The following PTPRK variants were observed in gnomAD, a reference collection of about 807,000 sequenced individuals.
The protein encoded by PTPRK is receptor-type tyrosine-protein phosphatase kappa.
Under a neutral mutation model 178.0 loss-of-function variants are expected in PTPRK, and 75 were observed. The ratio of observed to expected loss-of-function variants is 0.42; its 90% confidence interval spans 0.35 to 0.51. The LOEUF (loss-of-function observed/expected upper bound fraction) is 0.51, where lower values mean the gene tolerates loss of function less well. PTPRK is among the 20% of genes least tolerant of loss of function. The probability of loss-of-function intolerance (pLI) is 0.02; values close to 1 mark genes in which losing one functional copy is unlikely to be tolerated. For synonymous variants in PTPRK, 637 were observed against 620.6 expected, an observed-to-expected ratio of 1.03 and a Z score of -0.39; for missense variants, 1,441 against 1,797.8, an observed-to-expected ratio of 0.80 and a Z score of 3.59.
At chr6:128,319,637 G>A (rs189721936) in intron 3 of PTPRK, among the ~76,000 whole-genome samples, 1 of 152,222 alleles carries the variant, frequency 6.6e-6, no homozygotes, top group African/African-American at 2.4e-5. Flanking sequence ...AGAGACATCA[G>A]CACCTAAAAC....
intron 3 of PTPRK, among the ~76,000 whole-genome samples, chr6:128,315,064 C>T (rs1370901889): frequency 1.3e-5 from 2 of 152,036 alleles, no homozygotes; most frequent in Admixed American, 6.6e-5. Context: ...GAAATTCATC[C>T]TGGTATTTAT....
At chr6:128,254,761 C>T (rs1321786871) in intron 3 of PTPRK, among the ~76,000 whole-genome samples, 1 of 151,776 alleles carries the variant, frequency 6.6e-6, no homozygotes, top group Non-Finnish European at 1.5e-5. Flanking sequence ...AAGGAAACGA[C>T]ATCCTTTTCA....
intron 13 of PTPRK, among the ~76,000 whole-genome samples, chr6:128,029,628 T>G (rs1249264390): frequency 7.0e-6 from 1 of 142,168 alleles, no homozygotes; most frequent in Non-Finnish European, 1.5e-5. Flanking sequence ...CAGAGTGAGA[T>G]TCCATCTCAA....
At chr6:128,501,935 C>A (rs1584991921) in intron 1 of PTPRK, among the ~76,000 whole-genome samples, 1 of 152,054 alleles carries the variant, frequency 6.6e-6, no homozygotes, top group Non-Finnish European at 1.5e-5. Flanking sequence ...AATTAAAATC[C>A]ATCAAAGTGG....
intron 1 of PTPRK, among the ~76,000 whole-genome samples, chr6:128,518,383 GTATT>G (rs1368131303): frequency 6.6e-6 from 1 of 152,194 alleles, no homozygotes; most frequent in East Asian, 1.9e-4. Flanking sequence ...AGGAAAAGTA[GTATT>G]TATTTGTTAA....
intron 2 of PTPRK, among the ~76,000 whole-genome samples, chr6:128,343,784 T>C (rs1423610003): frequency 1.3e-5 from 2 of 152,218 alleles, no homozygotes; most frequent in Non-Finnish European, 2.9e-5. Flanking sequence ...TTTTAGCTGC[T>C]TGACAAAATA....
In PTPRK at chr6:128,089,837, C is replaced by A. The variant is rs766461424; in HGVS notation, c.1318G>T (p.Ala440Ser). 2 of 1,613,956 alleles carry A rather than the reference C, an allele frequency of 1.2e-6. No individual in the cohort carries two copies. The highest frequency in any genetic ancestry group is 2.7e-5 in the African/African-American group (2 of 74,914). Residue 440 changes from alanine (A) to serine (S), a missense_variant, in exon 8 of 30, where the codon GCA becomes TCA. By Grantham distance (99) the Ala-to-Ser change is moderately conservative (BLOSUM62 1). This residue lies in a region of PTPRK where 945 missense variants were observed against 1,080.6 expected (regional missense o/e 0.87). Transcript: ENST00000368226. ...HYFRGHNESK[A>S]DCLDMDPKAP... ...TTGGGGTCCATGTCCAAACAGTCTG[C>A]CTTGCTCTCGTTGTGACCACGGAAG... is the stretch of plus-strand genomic sequence containing the variant.
intron 3 of PTPRK, among the ~76,000 whole-genome samples, chr6:128,246,620 A>C (rs180951084): frequency 1.3e-5 from 2 of 152,348 alleles, no homozygotes; most frequent in Admixed American, 1.3e-4. Flanking sequence ...CCTGTCAGGG[A>C]AAACAAATCT....
At chr6:128,159,781 G>A (rs1447853732) in intron 7 of PTPRK, among the ~76,000 whole-genome samples, 1 of 151,684 alleles carries the variant, frequency 6.6e-6, no homozygotes, top group African/African-American at 2.4e-5. Flanking sequence ...TTATGAACCT[G>A]CTCTGAAGAC....
At chr6:128,490,778 G>T (rs1349830477) in intron 1 of PTPRK, among the ~76,000 whole-genome samples, 1 of 152,150 alleles carries the variant, frequency 6.6e-6, no homozygotes. Context: ...TAGTTCCAGA[G>T]GCTGAAAGTC....
In PTPRK at chr6:128,147,018, T is replaced by C. The variant is rs1484499311; in HGVS notation, c.1162+37414A>G. On this transcript the variant is annotated intron_variant, in intron 7 of 29. Transcript: ENST00000368226. The stretch of plus-strand genomic sequence containing the variant: ...AGTGGGAACATTTCTCTTATTCCAA[T>C]CTAATTAGCTCATTCTTCTACCTCA... Among the ~76,000 whole-genome samples, 3 of 152,258 alleles carry C rather than the reference T, an allele frequency of 2.0e-5. No homozygotes were observed. In the East Asian group the frequency reaches 5.8e-4, roughly 29 times the overall value.
At chr6:128,387,999 A>C (rs1839008020) in intron 2 of PTPRK, among the ~76,000 whole-genome samples, 1 of 152,108 alleles carries the variant, frequency 6.6e-6, no homozygotes, top group Non-Finnish European at 1.5e-5. Context: ...AAGTTTACAA[A>C]TTTGTGTTGG....
At chr6:128,341,979 G>C (rs1429489156) in intron 2 of PTPRK, among the ~76,000 whole-genome samples, 5 of 152,114 alleles carry the variant, frequency 3.3e-5, no homozygotes, top group Non-Finnish European at 7.4e-5. Context: ...ACGGCCAGTC[G>C]CAGTGGCTCA....
Position 127,996,918 on chromosome 6 carries a change from T to C in PTPRK, c.2750A>G (p.Tyr917Cys). 3 of 1,611,018 alleles carry C rather than the reference T, an allele frequency of 1.9e-6. No individual in the cohort carries two copies. The highest frequency in any genetic ancestry group is 1.7e-5 in the Admixed American group (1 of 59,790). Residue 917 changes from tyrosine (Y) to cysteine (C), a missense_variant, in exon 17 of 30, where the codon TAT becomes TGT. Physicochemically the swap from Tyr to Cys is radical, Grantham distance 194. Around this residue, in one of 4 missense-constraint regions of PTPRK, gnomAD observed 945 missense variants for 1,080.6 expected, o/e 0.87. Transcript: ENST00000368226. ...KKDQNRAKNRYGNIIAYDHSR... is the reference protein window; with the variant it reads ...KKDQNRAKNRCGNIIAYDHSR... ...GAACTTACATGCTATAATGTTTCCATATCGGTTTTTTGCTCTATTTTGATC... is the reference window on the plus strand; with the variant it reads ...GAACTTACATGCTATAATGTTTCCACATCGGTTTTTTGCTCTATTTTGATC...
intron 1 of PTPRK, among the ~76,000 whole-genome samples, chr6:128,450,583 T>A (rs1240262033): frequency 6.6e-6 from 1 of 152,200 alleles, no homozygotes; most frequent in African/African-American, 2.4e-5. Context: ...CACGTCATAT[T>A]AAGGCACTAC....
chr6:128,315,846 A>G (rs139534868), intron 3 of PTPRK, among the ~76,000 whole-genome samples: 58 of 152,318 alleles, frequency 3.8e-4, no homozygotes, highest in African/African-American at 1.3e-3. Context: ...TGTCCCTTAT[A>G]ACACCAATAT....
intron 3 of PTPRK, among the ~76,000 whole-genome samples, chr6:128,265,792 G>A: frequency 6.6e-6 from 1 of 152,094 alleles, no homozygotes; most frequent in East Asian, 1.9e-4. Flanking sequence ...ATTCATACAT[G>A]TCATGGTCCA....
At chr6:127,988,935 T>A (rs947866868) in intron 21 of PTPRK, among the ~76,000 whole-genome samples, 5 of 152,070 alleles carry the variant, frequency 3.3e-5, no homozygotes, top group African/African-American at 1.2e-4. Context: ...AGTATAAATT[T>A]TTCTTACAGA....
At chr6:128,157,259 T>G (rs1302115779) in intron 7 of PTPRK, among the ~76,000 whole-genome samples, 1 of 152,068 alleles carries the variant, frequency 6.6e-6, no homozygotes, top group Admixed American at 6.6e-5. Flanking sequence ...TCAACACTAC[T>G]GCATCCTTTT....
Sources: gnomAD v4.1 joint callset for allele counts (sites outside exome capture counted in the v4.1 genomes callset) on GRCh38, gnomAD v4.1.1 for gene constraint, gnomAD v4.1.1 regional missense constraint, MANE v1.5 for transcripts, NCBI Gene and HGNC (gene_info 2026-07-23, HGNC 2026-07-21) for gene names.